MBD5: variants seen among roughly 807,000 people sequenced by gnomAD.
The protein encoded by MBD5 is methyl-CpG binding domain protein 5, also known as methyl-CpG-binding domain protein 5.
MBD5 carries 13 observed loss-of-function variants against 117.3 expected under a neutral mutation model. The ratio of observed to expected loss-of-function variants is 0.11; its 90% confidence interval spans 0.07 to 0.18. The LOEUF (loss-of-function observed/expected upper bound fraction) is 0.18, where lower values mean the gene tolerates loss of function less well. Among genes scored for constraint, MBD5 ranks in the 10% least tolerant of loss-of-function variants. The pLI, the probability that MBD5 is intolerant of heterozygous loss-of-function variation, is 1.00. For synonymous variants in MBD5, 727 were observed against 766.4 expected, an observed-to-expected ratio of 0.95 and a Z score of 0.85; for missense variants, 1,879 against 2,093.8, an observed-to-expected ratio of 0.90 and a Z score of 2.00.
chr2:148,345,541 ATATACACATACATATGTATATACACG>A lies in MBD5; in HGVS notation c.-557+3290_-557+3315del, dbSNP rs1559033308. Reference sequence around the variant, plus strand: ...TATACACATACATATGTATATACACATATACACATACATATGTATATACACGTATACACATACATATGTATATACAC... The same window carrying A: ...TATACACATACATATGTATATACACATATACACATACATATGTATATACAC... On this transcript the variant is annotated intron_variant, in intron 4 of 13. Coordinates refer to ENST00000642680, the MANE Select transcript of MBD5 (RefSeq NM_001378120.1). 5.9e-3 allele frequency among the ~76,000 whole-genome samples: 578 copies of A among 97,656 alleles called. 27 individuals carry two copies. Among genetic ancestry groups the A allele is most frequent in the African/African-American group, 0.012 (264 of 21,622 alleles). The allele number at this position is 97,656 out of a possible 152,430, so 64.1% of individuals were successfully genotyped here.
chr2:148,124,998 ATATT>A (rs1283643983), intron 1 of MBD5, among the ~76,000 whole-genome samples: 2 of 151,240 alleles, frequency 1.3e-5, no homozygotes, highest in East Asian at 1.9e-4. Context: ...TTATACATAT[ATATT>A]TATTTATATT....
intron 5 of MBD5, among the ~76,000 whole-genome samples, chr2:148,459,271 T>C (rs180730316): frequency 6.6e-6 from 1 of 152,310 alleles, no homozygotes; most frequent in East Asian, 1.9e-4. Context: ...AAAGTTTCAA[T>C]TATTAGACTT....
rs573455541 is a variant in MBD5, at chr2:148,151,185, A to G, written c.-924-27515A>G. ...GAATTTTGTCAAAGGCTTTTTCTGC[A>G]TCTACTGAGATAATCATGTGGTTTT... On this transcript the variant is annotated intron_variant, in intron 1 of 13. Coordinates refer to ENST00000642680, the MANE Select transcript of MBD5 (RefSeq NM_001378120.1). Among the ~76,000 whole-genome samples, 88 of 151,984 alleles carry G rather than the reference A, an allele frequency of 5.8e-4. 1 individual carries two copies. The highest frequency in any genetic ancestry group is 6.8e-3 in the Middle Eastern group (2 of 294).
At chr2:148,385,164 G>A (rs1288720590) in intron 4 of MBD5, among the ~76,000 whole-genome samples, 5 of 152,122 alleles carry the variant, frequency 3.3e-5, no homozygotes, top group African/African-American at 9.7e-5. Context: ...ACTACCATCA[G>A]AGTGAACAGG....
At chr2:148,289,853 AT>A in intron 3 of MBD5, among the ~76,000 whole-genome samples, 1 of 148,284 alleles carries the variant, frequency 6.7e-6, no homozygotes, top group South Asian at 2.2e-4. Flanking sequence ...TTATGCAAAA[AT>A]ATCAACAGTT....
At chr2:148,323,415 C>T (rs1435715754) in intron 3 of MBD5, among the ~76,000 whole-genome samples, 4 of 151,624 alleles carry the variant, frequency 2.6e-5, no homozygotes, top group Non-Finnish European at 5.9e-5. Context: ...CCTGAGGAAT[C>T]GCCACACTGA....
At chr2:148,392,174 T>C (rs1422633796) in intron 4 of MBD5, among the ~76,000 whole-genome samples, 1 of 152,184 alleles carries the variant, frequency 6.6e-6, no homozygotes, top group Non-Finnish European at 1.5e-5. Context: ...AGACATGGTA[T>C]CACATTTCAT....
intron 4 of MBD5, among the ~76,000 whole-genome samples, chr2:148,451,157 C>G (rs1371139070): frequency 6.6e-6 from 1 of 152,068 alleles, no homozygotes; most frequent in Non-Finnish European, 1.5e-5. Flanking sequence ...CCCTGTACAA[C>G]TACATAAAAC....
intron 1 of MBD5, among the ~76,000 whole-genome samples, chr2:148,139,240 C>G (rs1697247653): frequency 6.6e-6 from 1 of 151,998 alleles, no homozygotes; most frequent in Admixed American, 6.6e-5. Flanking sequence ...GAGTTTCGCT[C>G]TTACTGCCCA....
intron 3 of MBD5, among the ~76,000 whole-genome samples, chr2:148,283,828 A>C (rs919293806): frequency 3.9e-5 from 6 of 152,208 alleles, no homozygotes; most frequent in African/African-American, 1.2e-4. Context: ...ACATAGCTAC[A>C]CTCAGCTGCT....
chr2:148,135,885 G>A (rs889296947), intron 1 of MBD5, among the ~76,000 whole-genome samples: 7 of 152,102 alleles, frequency 4.6e-5, no homozygotes, highest in Non-Finnish European at 7.3e-5. Context: ...TTAACTTTCA[G>A]CAAAGGCGAA....
rs1276079664 is a variant in MBD5, at chr2:148,470,108, G to A, written c.2165G>A (p.Gly722Asp). 3.7e-6 allele frequency: 6 copies of A among 1,613,736 alleles called. No individual in the cohort carries two copies. In the African/African-American group the frequency reaches 5.3e-5, roughly 14 times the overall value. ...CACTTGAGTAGCAATAGTACCCCGG[G>A]TTGTGGGGCCTCAAATACTGCTTTG... ...SSHLSSNSTPGCGASNTALPC... is the reference protein window; with the variant it reads ...SSHLSSNSTPDCGASNTALPC... Residue 722 changes from glycine (G) to aspartate (D), a missense_variant, in exon 8 of 14, where the codon GGT (glycine) becomes GAT (aspartate). Around this residue, in one of 4 missense-constraint regions of MBD5, gnomAD observed 1,666 missense variants for 1,792.2 expected, o/e 0.93. Transcript: ENST00000642680.
chr2:148,168,045 C>T (rs1253275848), intron 1 of MBD5, among the ~76,000 whole-genome samples: 9 of 151,984 alleles, frequency 5.9e-5, no homozygotes, highest in African/African-American at 1.5e-4. Flanking sequence ...TGGCTGAATC[C>T]GAAAGGGGGC....
intron 3 of MBD5, among the ~76,000 whole-genome samples, chr2:148,336,182 T>G (rs1702782536): frequency 6.6e-6 from 1 of 152,192 alleles, no homozygotes; most frequent in African/African-American, 2.4e-5. Flanking sequence ...AAGTTTAAGT[T>G]TTGTAGTTAT....
chr2:148,273,718 T>C (rs1366068456), intron 3 of MBD5, among the ~76,000 whole-genome samples: 4 of 152,206 alleles, frequency 2.6e-5, no homozygotes, highest in Non-Finnish European at 5.9e-5. Context: ...ACTTGACAAT[T>C]ATCTCCTGTC....
intron 4 of MBD5, among the ~76,000 whole-genome samples, chr2:148,453,158 C>G (rs1706778191): frequency 8.0e-6 from 1 of 125,346 alleles, no homozygotes; most frequent in East Asian, 2.5e-4. Flanking sequence ...TAATAATCAT[C>G]ATCAGATAAT....
intron 12 of MBD5, among the ~76,000 whole-genome samples, chr2:148,507,545 G>A (rs372034186): frequency 2.0e-5 from 3 of 152,128 alleles, no homozygotes; most frequent in African/African-American, 4.8e-5. Flanking sequence ...AGATCACGAG[G>A]TCAGGAGATC....
intron 11 of MBD5, among the ~76,000 whole-genome samples, chr2:148,493,708 C>G (rs1574489159): frequency 6.6e-6 from 1 of 152,070 alleles, no homozygotes; most frequent in South Asian, 2.1e-4. Flanking sequence ...CTTAGAAAGG[C>G]CTTTTTGGTC....
At chr2:148,259,984 G>A (rs1176588057) in intron 3 of MBD5, among the ~76,000 whole-genome samples, 1 of 152,158 alleles carries the variant, frequency 6.6e-6, no homozygotes, top group African/African-American at 2.4e-5. Flanking sequence ...CTTCTTATTA[G>A]CGAGGGGTTT....
Sources: allele counts gnomAD v4.1 joint callset (sites outside exome capture counted in the v4.1 genomes callset), GRCh38; gene constraint gnomAD v4.1.1; regional missense constraint gnomAD v4.1.1; transcripts MANE v1.5; gene names NCBI Gene and HGNC (gene_info 2026-07-23, HGNC 2026-07-21).